The following SLC10A7 variants were observed in gnomAD, a reference collection of about 807,000 sequenced individuals.
The protein encoded by SLC10A7 is solute carrier family 10 member 7, also known as sodium/bile acid cotransporter 7.
Under a neutral mutation model 43.2 loss-of-function variants are expected in SLC10A7, and 29 were observed. The ratio of observed to expected loss-of-function variants is 0.67; its 90% CI spans 0.50 to 0.92. The LOEUF is 0.92. SLC10A7 is among the 40% of genes least tolerant of loss of function. SLC10A7 has a pLI of 0.00. For missense variants in SLC10A7, 295 were observed against 403.2 expected, an observed-to-expected ratio of 0.73 and a Z score of 2.30; for synonymous variants, 152 against 144.8, an observed-to-expected ratio of 1.05 and a Z score of -0.35.
In SLC10A7 at chr4:146,448,356, T is replaced by G. The variant is rs554967135; in HGVS notation, c.397-5535A>C. Among the ~76,000 whole-genome samples the G allele has an allele frequency of 2.5e-4, 38 of 152,326 alleles. No homozygotes were observed. The South Asian group carries it at 7.5e-3, about 30-fold the overall frequency. On this transcript the variant is annotated intron_variant, in intron 4 of 11. Transcript: ENST00000335472. ...TTCTACCTTAAGCCTACCATAAGCC[T>G]GAAATCTATAACTTCTCATAACTGC...
intron 4 of SLC10A7, among the ~76,000 whole-genome samples, chr4:146,446,750 ATCT>A (rs1731125359): frequency 6.9e-6 from 1 of 145,792 alleles, no homozygotes; most frequent in Non-Finnish European, 1.5e-5. Context: ...TTATCTATCT[ATCT>A]ATCTATCTAT....
At chr4:146,432,275 A>G (rs1295379129) in intron 5 of SLC10A7, among the ~76,000 whole-genome samples, 1 of 152,136 alleles carries the variant, frequency 6.6e-6, no homozygotes, top group Non-Finnish European at 1.5e-5. Flanking sequence ...CAGCATAAAT[A>G]TTTTCCCAAG....
intron 9 of SLC10A7, among the ~76,000 whole-genome samples, chr4:146,290,131 T>A (rs1445518833): frequency 6.6e-6 from 1 of 150,702 alleles, no homozygotes; most frequent in Non-Finnish European, 1.5e-5. Context: ...CAGACCATCC[T>A]GGCTAACATG....
At chr4:146,297,590 T>C (rs1428352906) in intron 7 of SLC10A7, among the ~76,000 whole-genome samples, 1 of 152,232 alleles carries the variant, frequency 6.6e-6, no homozygotes, top group African/African-American at 2.4e-5. Context: ...ATGTTTCACG[T>C]TGTCTGAATT....
At chr4:146,468,623 C>T (rs972039137) in intron 4 of SLC10A7, among the ~76,000 whole-genome samples, 1 of 151,980 alleles carries the variant, frequency 6.6e-6, no homozygotes, top group Non-Finnish European at 1.5e-5. Context: ...ATGTGCACCA[C>T]CACACCCGGC....
chr4:146,437,218 G>C (rs973459323), intron 5 of SLC10A7, among the ~76,000 whole-genome samples: 2 of 152,074 alleles, frequency 1.3e-5, no homozygotes, highest in African/African-American at 2.4e-5. Context: ...AACAGAAGTA[G>C]TCTGTTCTCA....
In SLC10A7 at chr4:146,515,587, C is replaced by T. The variant is rs527419412; in HGVS notation, c.183+1451G>A. Among the ~76,000 whole-genome samples, 7 of 152,192 alleles carry T rather than the reference C, an allele frequency of 4.6e-5. No individual in the cohort carries two copies. In the East Asian group the frequency reaches 1.4e-3, roughly 29 times the overall value. ...AGACACAATTTATCAGCTATAGACA[C>T]TACACAATGATCCTACGTATATCAA... On this transcript the variant is annotated intron_variant, in intron 2 of 11. Transcript: ENST00000335472.
chr4:146,517,665 A>T (rs565551614), intron 1 of SLC10A7, among the ~76,000 whole-genome samples: 22 of 152,260 alleles, frequency 1.4e-4, no homozygotes, highest in African/African-American at 4.6e-4. Context: ...TCAGACCAGA[A>T]GAATAAAGAA....
At chr4:146,420,065 A>G (rs997971866) in intron 5 of SLC10A7, among the ~76,000 whole-genome samples, 13 of 152,184 alleles carry the variant, frequency 8.5e-5, no homozygotes, top group African/African-American at 2.9e-4. Flanking sequence ...GAAGGCTGGG[A>G]CACAGGAAGG....
At chr4:146,494,355 A>T (rs888233690) in intron 4 of SLC10A7, among the ~76,000 whole-genome samples, 9 of 152,196 alleles carry the variant, frequency 5.9e-5, no homozygotes, top group African/African-American at 2.2e-4. Context: ...ATATAGTGCC[A>T]CAGCATGTTA....
intron 5 of SLC10A7, among the ~76,000 whole-genome samples, chr4:146,377,091 AT>A (rs35933873): frequency 2.6e-5 from 4 of 151,566 alleles, no homozygotes; most frequent in Non-Finnish European, 5.9e-5. Context: ...TGTAAAGTAC[AT>A]TTTTTTTTAT....
At chr4:146,436,046 T>G (rs936663029) in intron 5 of SLC10A7, among the ~76,000 whole-genome samples, 1 of 151,772 alleles carries the variant, frequency 6.6e-6, no homozygotes, top group Non-Finnish European at 1.5e-5. Context: ...ATCATTGCTT[T>G]AAAAAAAATC....
intron 5 of SLC10A7, among the ~76,000 whole-genome samples, chr4:146,391,862 T>G (rs1202737662): frequency 6.6e-6 from 1 of 152,182 alleles, no homozygotes; most frequent in Non-Finnish European, 1.5e-5. Context: ...TCATACACAT[T>G]AAGGCAAAAG....
chr4:146,379,265 GC>G (rs1406809174), intron 5 of SLC10A7, among the ~76,000 whole-genome samples: 2 of 152,150 alleles, frequency 1.3e-5, no homozygotes, highest in Non-Finnish European at 2.9e-5. Context: ...ATTGTTCTCA[GC>G]AATTATCCTT....
intron 5 of SLC10A7, among the ~76,000 whole-genome samples, chr4:146,404,476 A>ATGTGTGTGTGTGTGTG (rs34519773): frequency 2.8e-5 from 4 of 141,466 alleles, no homozygotes; most frequent in African/African-American, 5.3e-5. Flanking sequence ...CTGCTCATTT[A>ATGTGTGTGTGTGTGTG]TGTGTGTGTG....
At chr4:146,519,103 AT>A (rs1163920974) in intron 1 of SLC10A7, among the ~76,000 whole-genome samples, 3,620 of 38,398 alleles carry the variant, frequency 0.094, 458 homozygotes, top group African/African-American at 0.16. Context: ...ATATATATAT[AT>A]ATATATATAA....
intron 4 of SLC10A7, among the ~76,000 whole-genome samples, chr4:146,473,421 T>C (rs1733758718): frequency 6.6e-6 from 1 of 152,166 alleles, no homozygotes; most frequent in South Asian, 2.1e-4. Flanking sequence ...ACAATATATA[T>C]CAAGTAAGGA....
At position 146,426,971 on chromosome 4, in the gene SLC10A7, T is replaced by C. The variant is rs1363837198; in HGVS notation, c.435+15812A>G. Among the ~76,000 whole-genome samples, 4 of 152,186 alleles carry C rather than the reference T, an allele frequency of 2.6e-5. No individual in the cohort carries two copies. In the South Asian group the frequency reaches 8.3e-4, roughly 31 times the overall value. On this transcript the variant is annotated intron_variant, in intron 5 of 11. Coordinates refer to ENST00000335472, the MANE Select transcript of SLC10A7 (RefSeq NM_001029998.6). ...AGAGAAATGAACAGTCAGGGACAAT[T>C]AGGAAAAGTAAGACAAAGATGCACA...
chr4:146,467,269 G>C (rs1560936713), intron 4 of SLC10A7, among the ~76,000 whole-genome samples: 1 of 152,014 alleles, frequency 6.6e-6, no homozygotes, highest in Non-Finnish European at 1.5e-5. Flanking sequence ...GCAAACTCAA[G>C]TTCTGCCTTT....
Sources: allele counts gnomAD v4.1 joint callset (sites outside exome capture counted in the v4.1 genomes callset), GRCh38; gene constraint gnomAD v4.1.1; transcripts MANE v1.5; gene names NCBI Gene and HGNC (gene_info 2026-07-23, HGNC 2026-07-21).